The following LIPI variants were observed in gnomAD, a reference collection of about 807,000 sequenced individuals.
LIPI encodes lipase I.
In LIPI, 59 loss-of-function variants were observed where a neutral mutation model predicts 50.6. The ratio of observed to expected loss-of-function variants is 1.16; its 90% confidence interval spans 0.94 to 1.45. The LOEUF (loss-of-function observed/expected upper bound fraction) is 1.45, where lower values mean the gene tolerates loss of function less well. Among genes scored for constraint, LIPI ranks in the 40% most tolerant of loss-of-function variants. The pLI, the probability that LIPI is intolerant of heterozygous loss-of-function variation, is 0.00. For missense variants in LIPI, 586 were observed against 536.3 expected (o/e 1.09, Z -0.92); for synonymous variants, 203 against 178.2 (o/e 1.14, Z -1.11).
At position 14,187,147 on chromosome 21, in the gene LIPI, C is replaced by T. The variant is rs574485662; in HGVS notation, c.433-1078G>A. Among the ~76,000 whole-genome samples, 5 of 152,242 alleles carry T rather than the reference C, an allele frequency of 3.3e-5. No individual in the cohort carries two copies. In the South Asian group the frequency reaches 1.0e-3, roughly 32 times the overall value. ...TTAGGTGACTTCCTTCCCCTGATCACCAGCTCAGGAGTGATGCATCCAATC... is the reference window on the plus strand; with the variant it reads ...TTAGGTGACTTCCTTCCCCTGATCATCAGCTCAGGAGTGATGCATCCAATC... On this transcript the variant is annotated intron_variant, in intron 2 of 9. Coordinates refer to ENST00000681601, the MANE Select transcript of LIPI (RefSeq NM_001302998.2).
At chr21:14,195,009 T>A (rs964665660) in intron 1 of LIPI, among the ~76,000 whole-genome samples, 17 of 152,016 alleles carry the variant, frequency 1.1e-4, no homozygotes, top group African/African-American at 4.1e-4. Context: ...AGGGAAGCAA[T>A]GTATTTGAAC....
rs138935609 is a variant in LIPI, at chr21:14,165,327, G to T, written c.797C>A (p.Thr266Lys). 6.2e-7 allele frequency: 1 copy of T among 1,611,302 alleles called. No individual in the cohort carries two copies. Among genetic ancestry groups the T allele is most frequent in the South Asian group, 1.1e-5 (1 of 90,984 alleles). The change falls in exon 6 of 10, where the codon ACA becomes AAA. Residue 266 changes from threonine (T) to lysine (K), a missense_variant. Physicochemically the swap from Thr to Lys is moderately conservative, Grantham distance 78. Transcript: ENST00000681601. ...AVHLFMASLE[T>K]NCNFISFPCR... The stretch of plus-strand genomic sequence containing the variant: ...AGGAAATGAAATAAAATTGCAGTTT[G>T]TTTCTAAAGATGCCATGAACAAGTG...
intron 1 of LIPI, among the ~76,000 whole-genome samples, chr21:14,192,919 T>C (rs1237879479): frequency 6.6e-6 from 1 of 152,126 alleles, no homozygotes; most frequent in Admixed American, 6.6e-5. Context: ...CATACAAAAA[T>C]ACAAAAATAT....
intron 5 of LIPI, among the ~76,000 whole-genome samples, chr21:14,166,154 C>T (rs2018675248): frequency 6.6e-6 from 1 of 152,118 alleles, no homozygotes; most frequent in African/African-American, 2.4e-5. Flanking sequence ...TATAAGAGGT[C>T]TCATCCATGA....
chr21:14,168,137 A>G (rs1241769697), intron 4 of LIPI, among the ~76,000 whole-genome samples: 1 of 152,180 alleles, frequency 6.6e-6, no homozygotes, highest in African/African-American at 2.4e-5. Context: ...GAAATGAATG[A>G]ATGAAGCAAG....
At chr21:14,121,544 A>G (rs755861198) in intron 9 of LIPI, among the ~76,000 whole-genome samples, 10 of 152,228 alleles carry the variant, frequency 6.6e-5, no homozygotes, top group Non-Finnish European at 1.3e-4. Flanking sequence ...TACAAGAAGT[A>G]CAAGGGTGGG....
intron 6 of LIPI, 137 bp from the exon 7 acceptor site, chr21:14,163,660 T>C: frequency 1.6e-6 from 1 of 620,610 alleles, no homozygotes; most frequent in Non-Finnish European, 2.9e-6. Context: ...TTAAAAAGCA[T>C]TTTTTCAAAT....
chr21:14,134,278 G>A (rs2017409888), intron 9 of LIPI, among the ~76,000 whole-genome samples: 1 of 152,000 alleles, frequency 6.6e-6, no homozygotes, highest in Admixed American at 6.6e-5. Flanking sequence ...ACAAATTACT[G>A]ATGAGAGAAA....
chr21:14,120,479 G>A (rs2016822379), intron 9 of LIPI, among the ~76,000 whole-genome samples: 1 of 152,188 alleles, frequency 6.6e-6, no homozygotes, highest in Non-Finnish European at 1.5e-5. Context: ...AGGAAATAGG[G>A]CAGGTCCTAG....
In LIPI at chr21:14,165,245, C is replaced by G; in HGVS notation, c.879G>C (p.Lys293Asn). 1 of 1,611,828 alleles carries G rather than the reference C, an allele frequency of 6.2e-7. No individual in the cohort carries two copies. The highest frequency in any genetic ancestry group is 1.3e-5 in the African/African-American group (1 of 74,920). The change falls in exon 6 of 10, where the codon AAG becomes AAC. Residue 293 changes from lysine to asparagine, a missense_variant. By Grantham distance (94) the Lys-to-Asn change is moderately conservative. Coordinates refer to ENST00000681601, the MANE Select transcript of LIPI (RefSeq NM_001302998.2). ...TACCCAGCCGAGGACATGATTTTTC[C>G]TTAAAACAGTCACAGTCCACACATA... ...TSLCVDCDCF[K>N]EKSCPRLGYQ...
chr21:14,154,561 G>C (rs2018210973), intron 7 of LIPI, among the ~76,000 whole-genome samples: 1 of 151,962 alleles, frequency 6.6e-6, no homozygotes, highest in Non-Finnish European at 1.5e-5. Context: ...TAATTAATAT[G>C]TATTATTAAA....
intron 4 of LIPI, among the ~76,000 whole-genome samples, chr21:14,170,339 A>G (rs2018848942): frequency 6.6e-6 from 1 of 152,224 alleles, no homozygotes; most frequent in Non-Finnish European, 1.5e-5. Context: ...ATAGAAAAAG[A>G]GGGAATCCTC....
At chr21:14,198,796 A>T (rs2019950549) in intron 1 of LIPI, among the ~76,000 whole-genome samples, 2 of 152,144 alleles carry the variant, frequency 1.3e-5, no homozygotes, top group African/African-American at 4.8e-5. Flanking sequence ...ACATAAAACA[A>T]TAGAATACAC....
chr21:14,191,147 G>A (rs184835038), intron 1 of LIPI, among the ~76,000 whole-genome samples: 240 of 152,234 alleles, frequency 1.6e-3, no homozygotes, highest in Non-Finnish European at 2.7e-3. Context: ...AGGAGGCCGA[G>A]GCGGGCGGAT....
At chr21:14,161,645 C>T (rs562796543) in intron 7 of LIPI, among the ~76,000 whole-genome samples, 49 of 99,648 alleles carry the variant, frequency 4.9e-4, no homozygotes, top group African/African-American at 2.0e-3. Context: ...ATAATATATA[C>T]ATTATTATAT....
chr21:14,153,681 T>C (rs2018178630), intron 7 of LIPI, among the ~76,000 whole-genome samples: 2 of 152,024 alleles, frequency 1.3e-5, no homozygotes, highest in South Asian at 4.1e-4. Context: ...TGTTGTAGCA[T>C]GAAGATGGAG....
intron 3 of LIPI, among the ~76,000 whole-genome samples, chr21:14,183,529 T>A (rs1268650987): frequency 6.6e-6 from 1 of 151,876 alleles, no homozygotes; most frequent in Non-Finnish European, 1.5e-5. Context: ...ACCATCAGAG[T>A]GAACAGGCAA....
intron 9 of LIPI, among the ~76,000 whole-genome samples, chr21:14,111,849 TTTTG>T (rs1363055193): frequency 1.8e-5 from 2 of 111,896 alleles, no homozygotes; most frequent in Admixed American, 9.3e-5. Flanking sequence ...TTTCATTTTG[TTTTG>T]TTTTTTTAAA....
At chr21:14,193,011 TAAA>T (rs2019728389) in intron 1 of LIPI, among the ~76,000 whole-genome samples, 1 of 152,184 alleles carries the variant, frequency 6.6e-6, no homozygotes, top group African/African-American at 2.4e-5. Flanking sequence ...CTACAGGACT[TAAA>T]AGACAAATGA....
Sources: gnomAD v4.1 joint callset for allele counts (sites outside exome capture counted in the v4.1 genomes callset) on GRCh38, gnomAD v4.1.1 for gene constraint, MANE v1.5 for transcripts, NCBI Gene and HGNC (gene_info 2026-07-23, HGNC 2026-07-21) for gene names.